USP42: variants seen among roughly 807,000 people sequenced by gnomAD.
USP42 encodes the protein ubiquitin carboxyl-terminal hydrolase 42.
A neutral mutation model predicts 113.0 loss-of-function variants in USP42; 23 were observed. The observed-to-expected ratio is 0.20, with a 90% CI of 0.15 to 0.29. The LOEUF is 0.29. Ranked by LOEUF, USP42 falls within the 10% of genes least tolerant of loss-of-function variation. The pLI, the probability that USP42 is intolerant of heterozygous loss-of-function variation, is 1.00. For missense variants in USP42, 2,174 were observed against 1,779.8 expected, an observed-to-expected ratio of 1.22 and a Z score of -3.99; for synonymous variants, 933 against 699.0, an observed-to-expected ratio of 1.33 and a Z score of -5.28.
rs761283886 is a variant in USP42 at position 6,157,681 on chromosome 7, C to T, written c.3943+626C>T. ...TTTTGCAGCGTATACGTTACTCTCC[C>T]GAATCCTTAAACCTGTAGCATTCTG... On this transcript the variant is annotated intron_variant, in intron 16 of 17. Coordinates refer to ENST00000306177, the MANE Select transcript of USP42 (RefSeq NM_032172.3). The surrounding 1 kb of genome is among the most constrained non-coding windows in gnomAD (Gnocchi z 4.1). 2.6e-5 allele frequency among the ~76,000 whole-genome samples: 4 copies of T among 152,202 alleles called. No homozygotes were observed. Among genetic ancestry groups the T allele is most frequent in the African/African-American group, 4.8e-5 (2 of 41,444 alleles).
intron 11 of USP42, 128 bp downstream of exon 11, chr7:6,146,376 T>G: frequency 3.2e-5 from 21 of 664,486 alleles, no homozygotes; most frequent in East Asian, 5.8e-5. Context: ...AGATCAACTC[T>G]AGCCTGGGCA....
intron 1 of USP42, among the ~76,000 whole-genome samples, chr7:6,107,388 T>G (rs1779348343): frequency 6.6e-6 from 1 of 151,770 alleles, no homozygotes; most frequent in Admixed American, 6.6e-5. Context: ...ACAACTCTAT[T>G]TGGGCTTTCT....
intron 8 of USP42, among the ~76,000 whole-genome samples, chr7:6,143,856 T>G (rs936348005): frequency 1.3e-5 from 2 of 152,162 alleles, no homozygotes; most frequent in African/African-American, 2.4e-5. Context: ...GTGGCTTGGT[T>G]TTTCAGAATT....
Position 6,150,473 on chromosome 7 carries a change from G to A in USP42, c.2168G>A (p.Ser723Asn). 2 of 1,613,972 alleles carry A rather than the reference G, an allele frequency of 1.2e-6. No individual in the cohort carries two copies. The highest frequency in any genetic ancestry group is 1.7e-6 in the Non-Finnish European group (2 of 1,179,884). ...AAAATCTTAGAGACCTTCAGGCTTA[G>A]CAACAAACTGAAAGGCTCGACGGAT... is the stretch of plus-strand genomic sequence containing the variant. Reference protein sequence around the residue: ...EDKILETFRLSNKLKGSTDEM... With the variant: ...EDKILETFRLNNKLKGSTDEM... The change falls in exon 14 of 18, where the codon AGC becomes AAC. Residue 723 changes from serine (S) to asparagine (N), a missense_variant. Physicochemically the swap from Ser to Asn is conservative, Grantham distance 46. Transcript: ENST00000306177.
intron 3 of USP42, among the ~76,000 whole-genome samples, chr7:6,124,916 C>T (rs1325498079): frequency 6.6e-6 from 1 of 152,114 alleles, no homozygotes; most frequent in African/African-American, 2.4e-5. Context: ...GCCAGTGGCT[C>T]ATGCCTGTAG....
the USP42 span, among the ~76,000 whole-genome samples, chr7:6,093,784 T>C: frequency 1.3e-5 from 2 of 151,194 alleles, no homozygotes; most frequent in African/African-American, 4.9e-5. Flanking sequence ...TCACTGTTTA[T>C]ATATTTTCTT....
At position 6,154,214 on chromosome 7, in the gene USP42, C is replaced by T; in HGVS notation, c.2660C>T (p.Ser887Phe). Residue 887 changes from serine to phenylalanine, a missense_variant, in exon 15 of 18, where the codon TCC becomes TTC. Ser to Phe is a radical substitution (Grantham distance 155, BLOSUM62 -2). Coordinates refer to ENST00000306177, the MANE Select transcript of USP42 (RefSeq NM_032172.3). ...GDHARDAQDPSQSLGAPEAAE... is the reference protein window; with the variant it reads ...GDHARDAQDPFQSLGAPEAAE... ...CACGCCCGGGACGCTCAGGACCCAT[C>T]CCAGAGCTTGGGCGCACCCGAGGCC... 1.2e-6 allele frequency: 2 copies of T among 1,606,962 alleles called. No individual in the cohort carries two copies. The highest frequency in any genetic ancestry group is 1.7e-6 in the Non-Finnish European group (2 of 1,179,018).
chr7:6,151,780 C>T (rs1053468820), intron 14 of USP42, among the ~76,000 whole-genome samples: 6 of 150,958 alleles, frequency 4.0e-5, no homozygotes, highest in Admixed American at 2.0e-4. Flanking sequence ...GTATTATGTA[C>T]TAATCGTATG....
the USP42 span, among the ~76,000 whole-genome samples, chr7:6,083,796 T>A: frequency 6.6e-6 from 1 of 150,732 alleles, no homozygotes; most frequent in Non-Finnish European, 1.5e-5. Context: ...AAATTCCTCT[T>A]TTTTTCCCCT....
At chr7:6,103,005 G>T (rs1010706120), upstream of USP42, among the ~76,000 whole-genome samples, 2 of 151,080 alleles carry the variant, frequency 1.3e-5, no homozygotes, top group African/African-American at 5.0e-5. Context: ...ATGAGTTGGT[G>T]TAAAGGGTTA....
At chr7:6,126,944 C>G (rs1437052987) in intron 3 of USP42, among the ~76,000 whole-genome samples, 2 of 152,152 alleles carry the variant, frequency 1.3e-5, no homozygotes, top group African/African-American at 4.8e-5. Flanking sequence ...AAGAAACTGC[C>G]AAAGCAATAT....
intron 3 of USP42, among the ~76,000 whole-genome samples, chr7:6,126,247 A>G (rs146738686): frequency 8.0e-5 from 12 of 150,164 alleles, no homozygotes; most frequent in African/African-American, 2.9e-4. Context: ...TAATTCTTTC[A>G]TTGGTAGGTA....
chr7:6,113,311 G>C (rs951146185), intron 2 of USP42, among the ~76,000 whole-genome samples: 2 of 152,036 alleles, frequency 1.3e-5, no homozygotes, highest in South Asian at 4.2e-4. Flanking sequence ...GTTGCACATG[G>C]AGGTGGAAAG....
intron 3 of USP42, among the ~76,000 whole-genome samples, chr7:6,120,050 A>G (rs995325409): frequency 6.6e-6 from 1 of 151,594 alleles, no homozygotes; most frequent in Non-Finnish European, 1.5e-5. Flanking sequence ...ACTGCAACCT[A>G]CGCCCCCGGG....
chr7:6,135,516 G>T (rs1197816585), intron 3 of USP42, among the ~76,000 whole-genome samples: 9 of 151,640 alleles, frequency 5.9e-5, no homozygotes, highest in Non-Finnish European at 1.0e-4. Context: ...GCCAGGCATG[G>T]TGGCGCATGT....
At chr7:6,114,206 G>A (rs867306037) in intron 2 of USP42, among the ~76,000 whole-genome samples, 26 of 152,262 alleles carry the variant, frequency 1.7e-4, no homozygotes, top group African/African-American at 5.8e-4. Context: ...TAGAATTGCA[G>A]CCATTTGGCC....
intron 15 of USP42, 69 bp from the exon 16 acceptor site, chr7:6,156,685 C>A: frequency 6.8e-7 from 1 of 1,461,248 alleles, no homozygotes; most frequent in Admixed American, 2.9e-5. Context: ...GTGGAAAGGC[C>A]AAGCTCCAGG....
intron 3 of USP42, chr7:6,116,663 T>C: frequency 2.2e-6 from 1 of 448,184 alleles, no homozygotes; most frequent in East Asian, 6.6e-5. Flanking sequence ...GTAATGCTTG[T>C]AAAGAATTTG....
the USP42 span, among the ~76,000 whole-genome samples, chr7:6,092,040 T>TCTTCTTCTC: frequency 1.9e-5 from 2 of 103,960 alleles, no homozygotes; most frequent in African/African-American, 7.1e-5. Context: ...TTCTTCTTCT[T>TCTTCTTCTC]CTTCTTCTTC....
Sources: gnomAD v4.1 joint callset for allele counts (sites outside exome capture counted in the v4.1 genomes callset) on GRCh38, gnomAD v4.1.1 for gene constraint, Gnocchi (gnomAD v3.1) non-coding constraint, MANE v1.5 for transcripts, NCBI Gene and HGNC (gene_info 2026-07-23, HGNC 2026-07-21) for gene names.